The following ZNF184 variants were observed in gnomAD, a reference collection of about 807,000 sequenced individuals.
ZNF184 encodes the protein zinc finger protein 184 (Kruppel-like).
Under a neutral mutation model 54.4 loss-of-function variants are expected in ZNF184, and 16 were observed. The observed-to-expected ratio is 0.29, with a 90% CI of 0.20 to 0.45. The LOEUF is 0.45. ZNF184 is among the 20% of genes least tolerant of loss of function. The pLI, the probability that ZNF184 is intolerant of heterozygous loss-of-function variation, is 1.00. For missense variants in ZNF184, 681 were observed against 888.2 expected (o/e 0.77, Z 2.97); for synonymous variants, 254 against 295.3 (o/e 0.86, Z 1.43).
the ZNF184 span, among the ~76,000 whole-genome samples, chr6:27,427,136 AC>A: frequency 1.4e-4 from 21 of 151,062 alleles, no homozygotes; most frequent in East Asian, 9.7e-4. Context: ...AAAAAAAAAA[AC>A]AATTAAAACA....
the ZNF184 span, among the ~76,000 whole-genome samples, chr6:27,443,542 T>C: frequency 6.6e-6 from 1 of 152,192 alleles, no homozygotes; most frequent in South Asian, 2.1e-4. Flanking sequence ...TCCAATGATC[T>C]TGTTTTCCCT....
chr6:27,438,035 C>A, the ZNF184 span, among the ~76,000 whole-genome samples: 2 of 152,164 alleles, frequency 1.3e-5, no homozygotes, highest in Admixed American at 1.3e-4. Context: ...TCACCATAAA[C>A]CTTCAAACCT....
chr6:27,430,617 G>A, the ZNF184 span, among the ~76,000 whole-genome samples: 1 of 152,160 alleles, frequency 6.6e-6, no homozygotes, highest in Non-Finnish European at 1.5e-5. Context: ...CCACAAGCTG[G>A]AAGAGGCAAG....
the ZNF184 span, among the ~76,000 whole-genome samples, chr6:27,441,960 A>C: frequency 6.6e-6 from 1 of 152,236 alleles, no homozygotes; most frequent in Non-Finnish European, 1.5e-5. Context: ...GTATAGGAGA[A>C]AATCAGCCTA....
intron 3 of ZNF184, among the ~76,000 whole-genome samples, chr6:27,467,444 A>G (rs1201817656): frequency 6.6e-6 from 1 of 151,990 alleles, no homozygotes; most frequent in Non-Finnish European, 1.5e-5. Context: ...AAATACAAAA[A>G]ATTAGCCAGG....
chr6:27,421,633 G>A, the ZNF184 span, among the ~76,000 whole-genome samples: 1 of 152,064 alleles, frequency 6.6e-6, no homozygotes, highest in South Asian at 2.1e-4. Flanking sequence ...TGACATTGGA[G>A]GAATATAACT....
chr6:27,451,574 C>T lies in ZNF184; in HGVS notation c.1985G>A (p.Arg662Gln), dbSNP rs756811723. The change falls in exon 6 of 6, where the codon CGA (arginine) becomes CAA (glutamine). Residue 662 changes from arginine to glutamine, a missense_variant. Physicochemically the swap from Arg to Gln is conservative, Grantham distance 43 (BLOSUM62 1). Transcript: ENST00000683788. ...SQSSHLTQHQ[R>Q]IHTGEKPYKC... The stretch of plus-strand genomic sequence containing the variant: ...ATAGGGCTTCTCCCCAGTGTGAATT[C>T]GTTGATGCTGAGTTAGATGGGAGCT... 8 of 1,614,030 alleles carry T rather than the reference C, an allele frequency of 5.0e-6. No individual in the cohort carries two copies. Among genetic ancestry groups the T allele is most frequent in the East Asian group, 2.2e-5 (1 of 44,866 alleles).
intron 3 of ZNF184, among the ~76,000 whole-genome samples, chr6:27,464,520 A>T (rs1273915483): frequency 6.6e-6 from 1 of 152,220 alleles, no homozygotes; most frequent in Non-Finnish European, 1.5e-5. Flanking sequence ...ATAGAATCAT[A>T]AGCATATTCA....
chr6:27,438,216 G>A, the ZNF184 span, among the ~76,000 whole-genome samples: 1 of 152,084 alleles, frequency 6.6e-6, no homozygotes, highest in Non-Finnish European at 1.5e-5. Context: ...TTTAGTACAG[G>A]TGACATTTCA....
chr6:27,430,162 C>T, the ZNF184 span, among the ~76,000 whole-genome samples: 434 of 152,304 alleles, frequency 2.8e-3, no homozygotes, highest in Non-Finnish European at 5.3e-3. Context: ...GGGCATCTTT[C>T]ACACGGGGAT....
chr6:27,441,095 G>T, the ZNF184 span, among the ~76,000 whole-genome samples: 3 of 152,158 alleles, frequency 2.0e-5, no homozygotes, highest in African/African-American at 7.2e-5. Flanking sequence ...ATGTGTCCTT[G>T]TTACTAAAAG....
chr6:27,454,738 A>G lies in ZNF184; in HGVS notation c.299-1478T>C, dbSNP rs553482314. ...ATTACTAGAATATAAGGGGCAGGGC[A>G]AAAAATGAAGGGATGGAGAAAGTTC... On this transcript the variant is annotated intron_variant, in intron 5 of 5. Coordinates refer to ENST00000683788, the MANE Select transcript of ZNF184 (RefSeq NM_001318891.2). 2.6e-5 allele frequency among the ~76,000 whole-genome samples: 4 copies of G among 152,350 alleles called. No individual in the cohort carries two copies. In the South Asian group the frequency reaches 8.3e-4, roughly 32 times the overall value.
At position 27,452,349 on chromosome 6, in the gene ZNF184, T is replaced by A; in HGVS notation, c.1210A>T (p.Thr404Ser). ...ECGKAFNGPSTFIRHHMIHTG... is the reference protein window; with the variant it reads ...ECGKAFNGPSSFIRHHMIHTG... Reference sequence around the variant, plus strand: ...TGAATCATATGATGACGGATAAAAGTTGAGGGCCCGTTGAAGGCCTTTCCA... The same window carrying A: ...TGAATCATATGATGACGGATAAAAGATGAGGGCCCGTTGAAGGCCTTTCCA... The change falls in exon 6 of 6, where the codon ACT becomes TCT. Residue 404 changes from threonine (T) to serine (S), a missense_variant. Physicochemically the swap from Thr to Ser is moderately conservative, Grantham distance 58 (BLOSUM62 1). Transcript: ENST00000683788. The surrounding 1 kb of genome is among the most constrained non-coding windows in gnomAD (Gnocchi z 5.5). The A allele has an allele frequency of 7.4e-6, 12 of 1,613,928 alleles. No homozygotes were observed. Among genetic ancestry groups the A allele is most frequent in the Non-Finnish European group, 1.0e-5 (12 of 1,179,972 alleles).
At chr6:27,411,505 A>T in the ZNF184 span, among the ~76,000 whole-genome samples, 1 of 152,330 alleles carries the variant, frequency 6.6e-6, no homozygotes, top group East Asian at 1.9e-4. Context: ...GATTTCTGAC[A>T]TATACTCAGC....
intron 5 of ZNF184, 38 bp downstream of exon 5, chr6:27,456,788 G>A: frequency 6.5e-7 from 1 of 1,542,712 alleles, no homozygotes; most frequent in African/African-American, 1.4e-5. Context: ...CTGACAGTCG[G>A]AGTTAATGAT....
the ZNF184 span, among the ~76,000 whole-genome samples, chr6:27,442,800 AAG>A: frequency 8.2e-3 from 444 of 54,184 alleles, 30 homozygotes; most frequent in African/African-American, 0.023. Flanking sequence ...GAAAGAAAGA[AAG>A]AGAAAGAAAG....
rs144355182 is a variant in ZNF184, at chr6:27,455,739, C to T, written c.298+1087G>A. Among the ~76,000 whole-genome samples the T allele has an allele frequency of 2.3e-4, 35 of 152,212 alleles. 1 individual carries two copies. The highest frequency in any genetic ancestry group is 8.2e-4 in the African/African-American group (34 of 41,538). ...TTAAAAAAAAAATCTCTGAGTGGTA[C>T]TCCAGTTAGAAACTTGCTAAAGTTT... On this transcript the variant is annotated intron_variant, in intron 5 of 5. Transcript: ENST00000683788.
chr6:27,415,838 C>T, the ZNF184 span, among the ~76,000 whole-genome samples: 1 of 152,124 alleles, frequency 6.6e-6, no homozygotes, highest in Non-Finnish European at 1.5e-5. Flanking sequence ...CTAGGGCTGC[C>T]ATAACAAAGT....
chr6:27,436,818 C>T, the ZNF184 span, among the ~76,000 whole-genome samples: 2 of 152,150 alleles, frequency 1.3e-5, no homozygotes, highest in Admixed American at 1.3e-4. Context: ...GTGACCAGCT[C>T]AGTACATTTT....
Sources: allele counts gnomAD v4.1 joint callset (sites outside exome capture counted in the v4.1 genomes callset), GRCh38; gene constraint gnomAD v4.1.1; non-coding constraint Gnocchi (gnomAD v3.1); transcripts MANE v1.5; gene names NCBI Gene and HGNC (gene_info 2026-07-23, HGNC 2026-07-21).